AMPD3: variants seen among roughly 807,000 people sequenced by gnomAD.
AMPD3 encodes AMP deaminase 3.
AMPD3 carries 57 observed loss-of-function variants against 82.3 expected under a neutral mutation model. The observed-to-expected ratio is 0.69, with a 90% CI of 0.56 to 0.86. AMPD3 has a LOEUF of 0.86. Among genes scored for constraint, AMPD3 ranks in the 40% least tolerant of loss-of-function variants. AMPD3 has a pLI of 0.00. For missense variants in AMPD3, 870 were observed against 1,003.8 expected (o/e 0.87, Z 1.80); for synonymous variants, 381 against 394.7 (o/e 0.97, Z 0.41).
chr11:10,478,043 A>C (rs985776327), intron 2 of AMPD3: 26 of 985,394 alleles, frequency 2.6e-5, no homozygotes, highest in Non-Finnish European at 3.1e-5. Context: ...AACTGTGTGA[A>C]ATGCAGTGTG....
At chr11:10,490,877 G>C (rs1849221527) in intron 6 of AMPD3, among the ~76,000 whole-genome samples, 1 of 152,188 alleles carries the variant, frequency 6.6e-6, no homozygotes, top group Non-Finnish European at 1.5e-5. Flanking sequence ...CCTGGGCTTT[G>C]GGGATGTTTT....
intron 11 of AMPD3, chr11:10,501,150 C>T (rs954158440): frequency 2.0e-6 from 2 of 985,248 alleles, no homozygotes; most frequent in Non-Finnish European, 2.4e-6. Context: ...TTTCTCATGG[C>T]CTTCCCTGCT....
intron 14 of AMPD3, chr11:10,505,285 T>C (rs976550703): frequency 1.9e-5 from 19 of 985,304 alleles, no homozygotes; most frequent in Non-Finnish European, 1.8e-5. Flanking sequence ...CGGATGATGA[T>C]GCAGCAGAGT....
intron 2 of AMPD3, among the ~76,000 whole-genome samples, chr11:10,470,191 T>TA (rs1452369743): frequency 1.2e-4 from 19 of 152,302 alleles, no homozygotes; most frequent in African/African-American, 4.6e-4. Flanking sequence ...ATCCATCGCA[T>TA]AAACAGAACC....
chr11:10,473,642 G>A (rs1016600245), intron 2 of AMPD3: 51 of 968,524 alleles, frequency 5.3e-5, no homozygotes, highest in Non-Finnish European at 6.0e-5. Flanking sequence ...ATCTCTGTGC[G>A]CCCCTGCTCT....
At chr11:10,497,465 G>A in intron 10 of AMPD3, 1 of 517,670 alleles carries the variant, frequency 1.9e-6, no homozygotes. Context: ...GGGAGGCGGA[G>A]GGGGCGGGAG....
intron 2 of AMPD3, among the ~76,000 whole-genome samples, chr11:10,472,871 G>C (rs1247933797): frequency 6.6e-6 from 1 of 152,048 alleles, no homozygotes; most frequent in Admixed American, 6.6e-5. Context: ...GGGTGTGGTG[G>C]CACATGTCTG....
chr11:10,495,139 C>G, intron 8 of AMPD3, 109 bp downstream of exon 8: 1 of 1,607,726 alleles, frequency 6.2e-7, no homozygotes, highest in Non-Finnish European at 8.5e-7. Context: ...CTCTGTGTAC[C>G]ATCAGCTCAG....
In AMPD3 at chr11:10,461,586, A is replaced by G; in HGVS notation, c.67A>G (p.Lys23Glu). 6.2e-7 allele frequency: 1 copy of G among 1,614,180 alleles called. No homozygotes were observed. Among genetic ancestry groups the G allele is most frequent in the Non-Finnish European group, 8.5e-7 (1 of 1,180,032 alleles). The change falls in exon 2 of 15, where the codon AAG (lysine) becomes GAG (glutamate). Residue 23 changes from lysine (K) to glutamate (E), a missense_variant. Lys to Glu is a moderately conservative substitution (Grantham distance 56). Coordinates refer to ENST00000396553, the MANE Select transcript of AMPD3 (RefSeq NM_001025389.2). ...TGAGCAAGTCCGGCTCCTGGCGGAG[A>G]AGGTGTTTGCTAAAGTGCTCCGAGA... ...VDEQVRLLAE[K>E]VFAKVLREED...
chr11:10,482,285 G>T, intron 4 of AMPD3, 60 bp downstream of exon 4: 1 of 1,581,258 alleles, frequency 6.3e-7, no homozygotes, highest in South Asian at 1.1e-5. Flanking sequence ...GCTAGTCAGG[G>T]CTTTTTTCTG....
intron 2 of AMPD3, among the ~76,000 whole-genome samples, chr11:10,472,642 T>C (rs1462737092): frequency 2.6e-5 from 4 of 152,202 alleles, no homozygotes; most frequent in African/African-American, 9.6e-5. Context: ...TGGGGAACTT[T>C]TTAAACATTC....
chr11:10,480,031 G>A (rs939102876), intron 3 of AMPD3: 46 of 897,884 alleles, frequency 5.1e-5, no homozygotes, highest in Admixed American at 1.2e-4. Context: ...CTGAATGGGA[G>A]GATGTCAGCC....
chr11:10,501,867 T>A (rs1849590595), intron 12 of AMPD3: 1 of 983,540 alleles, frequency 1.0e-6, no homozygotes. Flanking sequence ...TTCCATCTTT[T>A]ATCCACAGCA....
chr11:10,451,030 GT>G, upstream of AMPD3: 1 of 1,583,660 alleles, frequency 6.3e-7, no homozygotes, highest in South Asian at 1.1e-5. Context: ...GCATGGCCCT[GT>G]CGTCCGAACC....
chr11:10,467,628 C>A (rs1848459411), intron 2 of AMPD3, among the ~76,000 whole-genome samples: 1 of 152,150 alleles, frequency 6.6e-6, no homozygotes, highest in South Asian at 2.1e-4. Context: ...CCCAACCTAG[C>A]AAGACAAGCC....
At chr11:10,496,294 T>C in intron 9 of AMPD3, 1 of 985,330 alleles carries the variant, frequency 1.0e-6, no homozygotes, top group East Asian at 1.1e-4. Flanking sequence ...TTCTTCTCAT[T>C]GTGGGTTGAG....
upstream of AMPD3, chr11:10,451,049 T>TGC (rs570580593): frequency 4.1e-5 from 65 of 1,577,544 alleles, 1 homozygote; most frequent in East Asian, 1.3e-3. Flanking sequence ...ACCCGGTGAG[T>TGC]GCGCGCGAGG....
At chr11:10,471,582 A>G (rs910472717) in intron 2 of AMPD3, among the ~76,000 whole-genome samples, 1 of 152,264 alleles carries the variant, frequency 6.6e-6, no homozygotes. Flanking sequence ...TCCAGAATCT[A>G]CAAAGAACTT....
At position 10,484,595 on chromosome 11, in the gene AMPD3, A is replaced by G. The variant is rs887910900; in HGVS notation, c.590-225A>G. The G allele has an allele frequency of 6.9e-5, 55 of 800,128 alleles. No homozygotes were observed. The Middle Eastern group carries it at 3.2e-3, about 46-fold the overall frequency. 49.6% of individuals were successfully genotyped at this position (800,128 alleles called of 1,614,324 possible). On this transcript the variant is annotated intron_variant, in intron 4 of 14. Transcript: ENST00000396553. ...AAGTCTCTGCCTGCATGGAGTTTCT[A>G]TTGGAGTGGAGAAGACATCATATCT... is the stretch of plus-strand genomic sequence containing the variant.
Sources: allele counts gnomAD v4.1 joint callset (sites outside exome capture counted in the v4.1 genomes callset), GRCh38; gene constraint gnomAD v4.1.1; transcripts MANE v1.5; gene names NCBI Gene and HGNC (gene_info 2026-07-23, HGNC 2026-07-21).